PNO1: variants seen among roughly 807,000 people sequenced by gnomAD.
PNO1 encodes the protein RNA-binding protein PNO1.
PNO1 carries 16 observed loss-of-function variants against 28.4 expected under a neutral mutation model. That is an observed-to-expected ratio of 0.56 (90% CI 0.38 to 0.85). The LOEUF (loss-of-function observed/expected upper bound fraction) is 0.85. Among genes scored for constraint, PNO1 ranks in the 40% least tolerant of loss-of-function variants. PNO1 has a pLI of 0.00. For synonymous variants in PNO1, 115 were observed against 110.8 expected (o/e 1.04, Z -0.24); for missense variants, 304 against 312.2 (o/e 0.97, Z 0.20).
At chr2:68,168,564 A>T (rs1382069299) in intron 5 of PNO1, among the ~76,000 whole-genome samples, 3 of 151,906 alleles carry the variant, frequency 2.0e-5, no homozygotes, top group Admixed American at 6.6e-5. Context: ...GCTGCTAGAG[A>T]AAAAAAAATA....
intron 2 of PNO1, 85 bp downstream of exon 2, chr2:68,158,614 G>A: frequency 3.4e-6 from 4 of 1,183,384 alleles, no homozygotes; most frequent in South Asian, 3.2e-5. Flanking sequence ...TTACTTAATG[G>A]GACTTTTCTG....
chr2:68,166,272 C>G (rs1170302585), intron 5 of PNO1, among the ~76,000 whole-genome samples: 1 of 152,172 alleles, frequency 6.6e-6, no homozygotes, highest in Admixed American at 6.5e-5. Context: ...ACTTGACTCT[C>G]CCAAAACTTA....
At chr2:68,164,310 T>C (rs1447886685) in intron 5 of PNO1, among the ~76,000 whole-genome samples, 2 of 150,524 alleles carry the variant, frequency 1.3e-5, no homozygotes. Flanking sequence ...GGCAACATAG[T>C]GAAACCCCTT....
At chr2:68,162,165 T>A in intron 3 of PNO1, 100 bp from the exon 4 acceptor site, 2 of 880,386 alleles carry the variant, frequency 2.3e-6, no homozygotes, top group Non-Finnish European at 3.6e-6. Flanking sequence ...GCTTTCTAGC[T>A]CTAGAGTTTG....
chr2:68,162,201 C>T, intron 3 of PNO1, 64 bp from the exon 4 acceptor site: 1 of 1,215,256 alleles, frequency 8.2e-7, no homozygotes, highest in East Asian at 2.3e-5. Context: ...TAGTGCTTTG[C>T]ACTTTACTCT....
intron 1 of PNO1, 48 bp downstream of exon 1, chr2:68,158,189 G>T (rs1423422652): frequency 6.6e-7 from 1 of 1,515,498 alleles, no homozygotes; most frequent in Non-Finnish European, 8.9e-7. Context: ...GGCCAGACGC[G>T]GATCAAGCCG....
intron 5 of PNO1, among the ~76,000 whole-genome samples, chr2:68,172,007 C>T (rs72892467): frequency 0.041 from 6,201 of 152,020 alleles, 361 homozygotes; most frequent in African/African-American, 0.13. Context: ...TTGGTAATGA[C>T]CAAGTCCAGG....
chr2:68,162,412 TA>T, intron 4 of PNO1, 87 bp downstream of exon 4: 2 of 1,138,816 alleles, frequency 1.8e-6, no homozygotes, highest in Non-Finnish European at 2.6e-6. Context: ...AATTGAGCTG[TA>T]TTTTTAGCAA....
rs144708606 is a variant in PNO1 at position 68,159,244 on chromosome 2, A to G, written c.357+715A>G. On this transcript the variant is annotated intron_variant, in intron 2 of 6. Transcript: ENST00000263657. ...AAAATGTATTATTTTGATAAGAAAC[A>G]TGCATATATATGTGTGTGTGTGTGT... is the stretch of plus-strand genomic sequence containing the variant. Among the ~76,000 whole-genome samples, 263 of 131,236 alleles carry G rather than the reference A, an allele frequency of 2.0e-3. 1 individual carries two copies. The highest frequency in any genetic ancestry group is 7.0e-3 in the African/African-American group (236 of 33,552). The allele number at this position is 131,236 out of a possible 152,430, so 86.1% of individuals were successfully genotyped here.
At chr2:68,171,506 G>A (rs546385363) in intron 5 of PNO1, among the ~76,000 whole-genome samples, 2 of 152,304 alleles carry the variant, frequency 1.3e-5, no homozygotes, top group South Asian at 2.1e-4. Context: ...CTTTGCTACT[G>A]TTATTACTCT....
chr2:68,172,088 A>G (rs1215042757), intron 5 of PNO1, among the ~76,000 whole-genome samples: 1 of 152,194 alleles, frequency 6.6e-6, no homozygotes, highest in Non-Finnish European at 1.5e-5. Flanking sequence ...AAGGATATCA[A>G]GGACCTGAGA....
intron 5 of PNO1, among the ~76,000 whole-genome samples, chr2:68,164,027 A>T (rs1196180834): frequency 2.0e-5 from 3 of 152,206 alleles, no homozygotes; most frequent in African/African-American, 7.2e-5. Flanking sequence ...TAAATTTTGT[A>T]CATTCTTTAC....
At chr2:68,161,330 G>A in intron 2 of PNO1, 1 of 476,672 alleles carries the variant, frequency 2.1e-6, no homozygotes. Context: ...GAGAAGAGAA[G>A]AGGACATTGG....
chr2:68,162,124 G>GT (rs745367020), intron 3 of PNO1, 141 bp from the exon 4 acceptor site: 11 of 628,508 alleles, frequency 1.8e-5, no homozygotes, highest in Non-Finnish European at 2.5e-5. Flanking sequence ...GGGCGACAGC[G>GT]TAAGACTCTG....
chr2:68,167,328 A>G (rs1674020582), intron 5 of PNO1, among the ~76,000 whole-genome samples: 1 of 152,166 alleles, frequency 6.6e-6, no homozygotes, highest in South Asian at 2.1e-4. Context: ...CTCAACATCA[A>G]AAGAGCTTTA....
chr2:68,174,418 C>T (rs1374217199), intron 6 of PNO1, among the ~76,000 whole-genome samples: 1 of 149,266 alleles, frequency 6.7e-6, no homozygotes, highest in African/African-American at 2.5e-5. Context: ...GAACCAATGG[C>T]AGATCAAATA....
intron 5 of PNO1, among the ~76,000 whole-genome samples, chr2:68,168,402 G>GTT (rs1265839783): frequency 3.9e-5 from 6 of 152,338 alleles, no homozygotes; most frequent in African/African-American, 1.4e-4. Flanking sequence ...ATCAGGAGAT[G>GTT]TTACTGGGAT....
At chr2:68,158,349 C>T (rs201595596) in intron 1 of PNO1, 31 bp from the exon 2 acceptor site, 3 of 1,590,682 alleles carry the variant, frequency 1.9e-6, no homozygotes, top group Non-Finnish European at 2.6e-6. Flanking sequence ...CCCTCCATAG[C>T]CTTCTGAGTT....
intron 2 of PNO1, among the ~76,000 whole-genome samples, chr2:68,160,038 G>A (rs1673790029): frequency 7.0e-6 from 1 of 143,088 alleles, no homozygotes; most frequent in South Asian, 2.2e-4. Context: ...TCGCAATCTC[G>A]GCTCACTGCA....
Sources: allele counts gnomAD v4.1 joint callset (sites outside exome capture counted in the v4.1 genomes callset), GRCh38; gene constraint gnomAD v4.1.1; transcripts MANE v1.5; gene names NCBI Gene and HGNC (gene_info 2026-07-23, HGNC 2026-07-21).